Variants in ITGBL1 observed in about 807,000 individuals in gnomAD.
ITGBL1 encodes integrin subunit beta like 1, also known as integrin beta-like protein 1.
ITGBL1 carries 51 observed loss-of-function variants against 68.5 expected under a neutral mutation model. The observed-to-expected ratio is 0.74, with a 90% confidence interval of 0.59 to 0.94. The LOEUF is 0.94. Among genes scored for constraint, ITGBL1 ranks in the 40% least tolerant of loss-of-function variants. The pLI, the probability that ITGBL1 is intolerant of heterozygous loss-of-function variation, is 0.00. For missense variants in ITGBL1, 649 were observed against 647.4 expected (o/e 1.00, Z -0.03); for synonymous variants, 209 against 227.3 (o/e 0.92, Z 0.72).
chr13:101,604,879 T>TAG (rs1307529776), intron 7 of ITGBL1, among the ~76,000 whole-genome samples: 1 of 13,318 alleles, frequency 7.5e-5, no homozygotes, highest in Non-Finnish European at 1.8e-4. Flanking sequence ...TATATATATA[T>TAG]ATATATATAC....
chr13:101,542,172 T>C (rs1024638212), intron 2 of ITGBL1, among the ~76,000 whole-genome samples: 2 of 152,246 alleles, frequency 1.3e-5, no homozygotes, highest in Non-Finnish European at 2.9e-5. Flanking sequence ...AGATCTTTCC[T>C]GCTTTCTCTT....
At chr13:101,604,867 T>TAC (rs2030609808) in intron 7 of ITGBL1, among the ~76,000 whole-genome samples, 1 of 19,566 alleles carries the variant, frequency 5.1e-5, no homozygotes, top group Non-Finnish European at 1.3e-4. Context: ...TATATATATA[T>TAC]ATATATATAT....
chr13:101,579,554 A>C, intron 5 of ITGBL1, 127 bp downstream of exon 5: 1 of 955,100 alleles, frequency 1.0e-6, no homozygotes, highest in Admixed American at 2.9e-5. Flanking sequence ...ACTTTGATGT[A>C]AATCAACATT....
intron 2 of ITGBL1, among the ~76,000 whole-genome samples, chr13:101,539,021 G>A (rs1234999626): frequency 7.0e-6 from 1 of 142,124 alleles, no homozygotes; most frequent in Non-Finnish European, 1.5e-5. Flanking sequence ...TGCGGAGTGT[G>A]TGACTTTGAG....
chr13:101,668,080 A>G lies in ITGBL1; in HGVS notation c.1016-24505A>G, dbSNP rs1039688934. ...CATTGATCTCTGTTAGATGTTTTAC[A>G]GTCATAAAACTATAAATTCAGCTTA... On this transcript the variant is annotated intron_variant, in intron 7 of 10. Coordinates refer to ENST00000376180, the MANE Select transcript of ITGBL1 (RefSeq NM_004791.3). Among the ~76,000 whole-genome samples the G allele has an allele frequency of 2.4e-4, 36 of 152,160 alleles. 1 individual carries two copies. The highest frequency in any genetic ancestry group is 1.5e-3 in the South Asian group (7 of 4,824).
intron 2 of ITGBL1, among the ~76,000 whole-genome samples, chr13:101,513,369 T>G (rs2049145806): frequency 6.6e-6 from 1 of 152,046 alleles, no homozygotes; most frequent in African/African-American, 2.4e-5. Flanking sequence ...AGGTACACAG[T>G]AAGACCAGTA....
chr13:101,591,750 T>C (rs2050658698), intron 6 of ITGBL1, among the ~76,000 whole-genome samples: 1 of 152,160 alleles, frequency 6.6e-6, no homozygotes, highest in Non-Finnish European at 1.5e-5. Flanking sequence ...CATTAGCATT[T>C]CTATGTACTT....
intron 2 of ITGBL1, among the ~76,000 whole-genome samples, chr13:101,462,300 C>G (rs2048328349): frequency 6.6e-6 from 1 of 152,218 alleles, no homozygotes; most frequent in Non-Finnish European, 1.5e-5. Flanking sequence ...ATCCAAGACT[C>G]ATAAACTTCA....
At chr13:101,712,689 T>C (rs1317152543) in intron 9 of ITGBL1, 5 of 152,202 alleles carry the variant, frequency 3.3e-5, no homozygotes, top group African/African-American at 1.2e-4. Context: ...ACTTCTCTGA[T>C]AGTCAATGAA....
At chr13:101,477,507 A>G (rs2048555071) in intron 2 of ITGBL1, among the ~76,000 whole-genome samples, 1 of 152,036 alleles carries the variant, frequency 6.6e-6, no homozygotes, top group South Asian at 2.1e-4. Context: ...AATGAGATCA[A>G]ATTAAAAAAA....
At chr13:101,550,852 A>G (rs1231641029) in intron 2 of ITGBL1, among the ~76,000 whole-genome samples, 2 of 152,146 alleles carry the variant, frequency 1.3e-5, no homozygotes, top group African/African-American at 4.8e-5. Context: ...CCTATTTTTC[A>G]ACTGCTCACT....
At chr13:101,700,042 A>C (rs189411324) in intron 8 of ITGBL1, among the ~76,000 whole-genome samples, 17 of 152,250 alleles carry the variant, frequency 1.1e-4, no homozygotes, top group African/African-American at 3.1e-4. Context: ...TTCTCCCTGG[A>C]TAGCTGCTTC....
intron 7 of ITGBL1, among the ~76,000 whole-genome samples, chr13:101,639,980 A>G (rs1486294722): frequency 6.6e-6 from 1 of 152,212 alleles, no homozygotes. Flanking sequence ...GGTTTTAAAT[A>G]CAGCATGTGG....
intron 2 of ITGBL1, among the ~76,000 whole-genome samples, chr13:101,485,516 G>A (rs994317956): frequency 6.6e-6 from 1 of 152,078 alleles, no homozygotes; most frequent in African/African-American, 2.4e-5. Flanking sequence ...AAGAATGGCC[G>A]TAATTAGGCC....
chr13:101,514,371 T>C (rs555734446), intron 2 of ITGBL1, among the ~76,000 whole-genome samples: 16 of 152,222 alleles, frequency 1.1e-4, no homozygotes, highest in African/African-American at 3.8e-4. Context: ...TTATCTCCCT[T>C]GGAAAAAACT....
intron 2 of ITGBL1, among the ~76,000 whole-genome samples, chr13:101,532,521 C>T (rs1330505446): frequency 6.6e-6 from 1 of 152,132 alleles, no homozygotes; most frequent in Non-Finnish European, 1.5e-5. Flanking sequence ...AAACGTTATT[C>T]CTATTGCAGA....
At chr13:101,543,637 A>C (rs140025576) in intron 2 of ITGBL1, among the ~76,000 whole-genome samples, 187 of 152,270 alleles carry the variant, frequency 1.2e-3, no homozygotes, top group African/African-American at 4.2e-3. Flanking sequence ...CTGCTGGATA[A>C]TATCCTGCAG....
intron 7 of ITGBL1, among the ~76,000 whole-genome samples, chr13:101,616,625 G>A (rs1429301455): frequency 6.6e-6 from 1 of 152,130 alleles, no homozygotes; most frequent in African/African-American, 2.4e-5. Flanking sequence ...TAAGTAGCTA[G>A]GATTACAGGC....
chr13:101,598,453 A>AC (rs2030129542), intron 7 of ITGBL1, among the ~76,000 whole-genome samples, 154 bp downstream of exon 7: 2 of 151,206 alleles, frequency 1.3e-5, no homozygotes, highest in African/African-American at 4.9e-5. Flanking sequence ...TTATTATTAT[A>AC]TTTTAAGTTT....
Sources: allele counts gnomAD v4.1 joint callset (sites outside exome capture counted in the v4.1 genomes callset), GRCh38; gene constraint gnomAD v4.1.1; transcripts MANE v1.5; gene names NCBI Gene and HGNC (gene_info 2026-07-23, HGNC 2026-07-21).